GPR176: variants seen among roughly 807,000 people sequenced by gnomAD.
GPR176 encodes G-protein coupled receptor 176.
A neutral mutation model predicts 35.4 loss-of-function variants in GPR176; 26 were observed. That is an observed-to-expected ratio of 0.74 (90% CI 0.54 to 1.02). The LOEUF (loss-of-function observed/expected upper bound fraction) is 1.02, where lower values mean the gene tolerates loss of function less well. Ranked by LOEUF, GPR176 falls within the 50% of genes least tolerant of loss-of-function variation. The pLI is 0.00. For missense variants in GPR176, 597 were observed against 665.3 expected (o/e 0.90, Z 1.13); for synonymous variants, 278 against 271.3 (o/e 1.02, Z -0.24).
At chr15:39,872,465 A>G (rs1032014737) in intron 1 of GPR176, among the ~76,000 whole-genome samples, 5 of 152,192 alleles carry the variant, frequency 3.3e-5, no homozygotes, top group African/African-American at 9.7e-5. Flanking sequence ...TAAGAGATCA[A>G]AATAGACCAA....
At position 39,807,165 on chromosome 15, in the gene GPR176, C is replaced by G; in HGVS notation, c.266G>C (p.Cys89Ser). The G allele has an allele frequency of 6.2e-7, 1 of 1,613,934 alleles. No individual in the cohort carries two copies. Among genetic ancestry groups the G allele is most frequent in the Non-Finnish European group, 8.5e-7 (1 of 1,179,926 alleles). ...GAAGGGCACACAGACCAGGCTGGCA[C>G]AAATCCCCGAGCAGGCCAGGTTTTT... Reference protein sequence around the residue: ...FIKNLACSGICASLVCVPFDI... With the variant: ...FIKNLACSGISASLVCVPFDI... Residue 89 changes from cysteine (C) to serine (S), a missense_variant, in exon 2 of 3, where the codon TGT (cysteine) becomes TCT (serine). Cys to Ser is a moderately radical substitution (Grantham distance 112). Around this residue, in one of 3 missense-constraint regions of GPR176, gnomAD observed 220 missense variants for 297.6 expected, o/e 0.74. Coordinates refer to ENST00000561100, the MANE Select transcript of GPR176 (RefSeq NM_007223.3).
At chr15:39,836,871 G>T (rs950990358) in intron 1 of GPR176, among the ~76,000 whole-genome samples, 7 of 152,142 alleles carry the variant, frequency 4.6e-5, no homozygotes, top group African/African-American at 1.7e-4. Flanking sequence ...TGAGCAACTG[G>T]ATTCATGGCA....
At chr15:39,903,527 G>A (rs755722885) in intron 1 of GPR176, among the ~76,000 whole-genome samples, 7 of 151,974 alleles carry the variant, frequency 4.6e-5, no homozygotes, top group Non-Finnish European at 7.4e-5. Flanking sequence ...CTAAAAAAAT[G>A]AGAATGATTA....
chr15:39,876,837 GGAGA>G (rs949796689), intron 1 of GPR176, among the ~76,000 whole-genome samples: 3 of 151,094 alleles, frequency 2.0e-5, no homozygotes, highest in Admixed American at 2.0e-4. Flanking sequence ...AGAGAGAGAG[GGAGA>G]GAGGGAGGGA....
chr15:39,818,282 T>A (rs757513325), intron 1 of GPR176, among the ~76,000 whole-genome samples: 8 of 152,228 alleles, frequency 5.3e-5, no homozygotes, highest in African/African-American at 4.8e-5. Context: ...CTACAATTAA[T>A]TTGATTCCAG....
At position 39,801,774 on chromosome 15, in the gene GPR176, C is replaced by G. The variant is rs767757567; in HGVS notation, c.906G>C (p.Leu302=). The change falls in exon 3 of 3, where the codon CTG becomes CTC. Residue 302 remains leucine, a synonymous_variant. Coordinates refer to ENST00000561100, the MANE Select transcript of GPR176 (RefSeq NM_007223.3). The stretch of plus-strand genomic sequence containing the variant: ...CTTTGGGCAGCCAAACAGCAGTGAG[C>G]AGCAAGAAGACGGAAGTGTCAGGGA... ...LNVPDTSVFL[L]LTAVWLPKVS... is the part of the protein sequence containing the mutation. 6 of 1,613,764 alleles carry G rather than the reference C, an allele frequency of 3.7e-6. No homozygotes were observed.
At chr15:39,911,389 T>C (rs2033573358) in intron 1 of GPR176, among the ~76,000 whole-genome samples, 1 of 152,254 alleles carries the variant, frequency 6.6e-6, no homozygotes, top group South Asian at 2.1e-4. Context: ...AGTTTTTCAG[T>C]ATCTCATTTA....
At chr15:39,914,633 G>A (rs1032085720) in intron 1 of GPR176, among the ~76,000 whole-genome samples, 1 of 152,098 alleles carries the variant, frequency 6.6e-6, no homozygotes, top group Non-Finnish European at 1.5e-5. Flanking sequence ...TCTTAACGTA[G>A]TCTGCTAGGT....
chr15:39,905,202 G>C (rs889687848), intron 1 of GPR176, among the ~76,000 whole-genome samples: 16 of 152,160 alleles, frequency 1.1e-4, no homozygotes, highest in African/African-American at 3.9e-4. Flanking sequence ...TTTAAATCAA[G>C]GTTGGTGGTT....
chr15:39,817,829 G>A (rs560816097), intron 1 of GPR176, among the ~76,000 whole-genome samples: 3 of 152,314 alleles, frequency 2.0e-5, no homozygotes, highest in African/African-American at 4.8e-5. Flanking sequence ...GTATGACGGC[G>A]GGTGGGGAAC....
chr15:39,881,417 T>G (rs1471398573), intron 1 of GPR176, among the ~76,000 whole-genome samples: 1 of 152,180 alleles, frequency 6.6e-6, no homozygotes, highest in Non-Finnish European at 1.5e-5. Context: ...GACCTAACAG[T>G]ATAGCGTTCT....
At chr15:39,825,354 G>A (rs950493837) in intron 1 of GPR176, among the ~76,000 whole-genome samples, 3 of 152,038 alleles carry the variant, frequency 2.0e-5, no homozygotes, top group Non-Finnish European at 4.4e-5. Flanking sequence ...TTTTATGTAA[G>A]TGGCCTATCA....
At chr15:39,838,911 C>T (rs1325547748) in intron 1 of GPR176, among the ~76,000 whole-genome samples, 1 of 152,136 alleles carries the variant, frequency 6.6e-6, no homozygotes, top group Non-Finnish European at 1.5e-5. Context: ...TTGCAGATGA[C>T]ATGATTGTAT....
chr15:39,905,726 T>A (rs1469975700), intron 1 of GPR176, among the ~76,000 whole-genome samples: 1 of 152,182 alleles, frequency 6.6e-6, no homozygotes, highest in African/African-American at 2.4e-5. Flanking sequence ...CATACCACAG[T>A]ATTCCATTTC....
chr15:39,839,065 G>A (rs1172953930), intron 1 of GPR176, among the ~76,000 whole-genome samples: 1 of 152,076 alleles, frequency 6.6e-6, no homozygotes, highest in Non-Finnish European at 1.5e-5. Flanking sequence ...ACTGCCCAAG[G>A]TAATTTATAG....
chr15:39,895,211 A>C (rs2033067458), intron 1 of GPR176, among the ~76,000 whole-genome samples: 1 of 138,366 alleles, frequency 7.2e-6, no homozygotes. Context: ...GAGACCGTGG[A>C]AAGAGAGGGA....
intron 1 of GPR176, among the ~76,000 whole-genome samples, chr15:39,886,691 G>A (rs565013311): frequency 1.3e-4 from 20 of 152,210 alleles, no homozygotes; most frequent in Admixed American, 7.2e-4. Context: ...CAAATGTTCC[G>A]GTTCCATAAT....
At chr15:39,892,949 TAA>T (rs1443566297) in intron 1 of GPR176, among the ~76,000 whole-genome samples, 1 of 152,186 alleles carries the variant, frequency 6.6e-6, no homozygotes, top group African/African-American at 2.4e-5. Flanking sequence ...ATGAGAAAAA[TAA>T]GATATAAAGT....
chr15:39,903,789 G>T (rs2033347531), intron 1 of GPR176, among the ~76,000 whole-genome samples: 1 of 152,152 alleles, frequency 6.6e-6, no homozygotes, highest in South Asian at 2.1e-4. Context: ...TGGTCATTGT[G>T]TTACAGGAAA....
Sources: gnomAD v4.1 joint callset for allele counts (sites outside exome capture counted in the v4.1 genomes callset) on GRCh38, gnomAD v4.1.1 for gene constraint, gnomAD v4.1.1 regional missense constraint, MANE v1.5 for transcripts, NCBI Gene and HGNC (gene_info 2026-07-23, HGNC 2026-07-21) for gene names.